The following PZP variants were observed in gnomAD, a reference collection of about 807,000 sequenced individuals.
PZP encodes the protein PZP alpha-2-macroglobulin like.
Under a neutral mutation model 179.8 loss-of-function variants are expected in PZP, and 150 were observed. The ratio of observed to expected loss-of-function variants is 0.83; its 90% CI spans 0.73 to 0.96. The LOEUF (loss-of-function observed/expected upper bound fraction) is 0.96. PZP is among the 40% of genes least tolerant of loss of function. The pLI is 0.00. For missense variants in PZP, 1,689 were observed against 1,764.0 expected (o/e 0.96, Z 0.76); for synonymous variants, 624 against 652.3 (o/e 0.96, Z 0.66).
At chr12:9,204,309 A>G (rs774307478) in intron 1 of PZP, among the ~76,000 whole-genome samples, 12 of 152,360 alleles carry the variant, frequency 7.9e-5, no homozygotes, top group African/African-American at 2.9e-4. Context: ...GTGCACGCAC[A>G]CAAACACACA....
chr12:9,179,449 A>C lies in PZP; in HGVS notation c.1839+1534T>G, dbSNP rs146572753. 2.8e-4 allele frequency among the ~76,000 whole-genome samples: 42 copies of C among 152,324 alleles called. 2 individuals carry two copies. The highest frequency in any genetic ancestry group is 8.9e-4 in the African/African-American group (37 of 41,578). On this transcript the variant is annotated intron_variant, in intron 15 of 35. Transcript: ENST00000261336. ...TCACGACATGCCAAGTGTCACCCCCATGAATTAATATAACTATAGTCAAAA... is the reference window on the plus strand; with the variant it reads ...TCACGACATGCCAAGTGTCACCCCCCTGAATTAATATAACTATAGTCAAAA...
Position 9,163,678 on chromosome 12 carries a change from A to T in PZP, c.2726T>A (p.Leu909Gln), listed in dbSNP as rs777001327. The T allele has an allele frequency of 1.9e-6, 3 of 1,613,642 alleles. No homozygotes were observed. Among genetic ancestry groups the T allele is most frequent in the Non-Finnish European group, 2.5e-6 (3 of 1,179,726 alleles). Residue 909 changes from leucine (L) to glutamine (Q), a missense_variant, in exon 21 of 36, where the codon CTG (leucine) becomes CAG (glutamine). Physicochemically the swap from Leu to Gln is moderately radical, Grantham distance 113. Transcript: ENST00000261336. ...IKRKDTVIKT[L>Q]LVEAEGIEQE... ...CCAAAAATATGTTACCTCCACCAAC[A>T]GGGTTTTGATGACTGTGTCTTTTCT...
chr12:9,186,426 G>A (rs1427408500), intron 13 of PZP, among the ~76,000 whole-genome samples: 1 of 152,112 alleles, frequency 6.6e-6, no homozygotes, highest in Non-Finnish European at 1.5e-5. Context: ...AATGTAAACA[G>A]ACTAAATGCC....
intron 13 of PZP, among the ~76,000 whole-genome samples, chr12:9,188,225 CA>C (rs2121059317): frequency 6.6e-6 from 1 of 152,264 alleles, no homozygotes; most frequent in East Asian, 1.9e-4. Flanking sequence ...TCAACATAGG[CA>C]TATCAATAAA....
chr12:9,175,535 A>G (rs1215787372), intron 15 of PZP, among the ~76,000 whole-genome samples: 8 of 152,202 alleles, frequency 5.3e-5, no homozygotes, highest in Admixed American at 5.2e-4. Context: ...AACTTTAAGA[A>G]TGGGAGAAAA....
In PZP at chr12:9,183,303, G is replaced by GT. The variant is rs1282470090; in HGVS notation, c.1547-1187dup. Among the ~76,000 whole-genome samples the GT allele has an allele frequency of 3.0e-4, 45 of 152,228 alleles. 1 individual carries two copies. The highest frequency in any genetic ancestry group is 1.0e-3 in the African/African-American group (43 of 41,534). On this transcript the variant is annotated intron_variant, in intron 13 of 35. Transcript: ENST00000261336. ...GTTCTTGCCACACATACACAAATGA[G>GT]TAAGTAGGTGAGATGATGGCCATGT...
chr12:9,198,947 C>A (rs1360563376), intron 7 of PZP, among the ~76,000 whole-genome samples: 1 of 152,142 alleles, frequency 6.6e-6, no homozygotes, highest in Admixed American at 6.5e-5. Flanking sequence ...ACCCTGCGTG[C>A]TCCCTCTGGG....
intron 10 of PZP, among the ~76,000 whole-genome samples, chr12:9,196,121 A>C (rs141846452): frequency 6.6e-6 from 1 of 152,298 alleles, no homozygotes; most frequent in East Asian, 1.9e-4. Context: ...TACATATTAA[A>C]ATATTATCTC....
chr12:9,202,402 A>C, intron 3 of PZP, 31 bp from the exon 4 acceptor site: 1 of 1,614,114 alleles, frequency 6.2e-7, no homozygotes, highest in Non-Finnish European at 8.5e-7. Flanking sequence ...TAAGATTCAG[A>C]CATGATAAAG....
At chr12:9,160,051 C>A in intron 24 of PZP, 26 bp from the exon 25 acceptor site, 1 of 1,589,128 alleles carries the variant, frequency 6.3e-7, no homozygotes, top group Non-Finnish European at 8.6e-7. Flanking sequence ...TCAGATTGTT[C>A]ATGAAGCATT....
intron 17 of PZP, 173 bp downstream of exon 17, chr12:9,168,696 G>T (rs1177045886): frequency 7.6e-6 from 4 of 523,384 alleles, no homozygotes; most frequent in Non-Finnish European, 1.3e-5. Context: ...AAAAATCTCT[G>T]ATCAGTTCTA....
At chr12:9,160,142 T>C (rs1941068133) in intron 24 of PZP, 117 bp from the exon 25 acceptor site, 2 of 1,169,658 alleles carry the variant, frequency 1.7e-6, no homozygotes, top group Non-Finnish European at 2.5e-6. Context: ...TGATCTGCCA[T>C]AGTTTTGTGA....
In PZP at chr12:9,208,264, T is replaced by C. The variant is rs746993040; in HGVS notation, c.78A>G (p.Thr26=). Residue 26 remains threonine (T), a synonymous_variant, in exon 1 of 36, where the codon ACA becomes ACG. Transcript: ENST00000261336. The part of the protein sequence containing the change: ...ILLSASDSNS[T]EPQYMVLVPS... ...GGGTCTTGAGTGAGACTTACGGTTC[T>C]GTAGAGTTTGAGTCACTGGCAGAAA... 1.2e-6 allele frequency: 2 copies of C among 1,612,482 alleles called. No individual in the cohort carries two copies. Among genetic ancestry groups the C allele is most frequent in the Non-Finnish European group, 1.7e-6 (2 of 1,178,502 alleles).
At chr12:9,175,398 G>A (rs957623534) in intron 15 of PZP, among the ~76,000 whole-genome samples, 8 of 151,996 alleles carry the variant, frequency 5.3e-5, no homozygotes, top group Admixed American at 1.3e-4. Context: ...GGAGATAGGC[G>A]CAGGCAAAGA....
At position 9,163,766 on chromosome 12, in the gene PZP, C is replaced by T; in HGVS notation, c.2638G>A (p.Ala880Thr). The T allele has an allele frequency of 6.2e-7, 1 of 1,612,990 alleles. No individual in the cohort carries two copies. Among genetic ancestry groups the T allele is most frequent in the African/African-American group, 1.3e-5 (1 of 74,998 alleles). Residue 880 changes from alanine to threonine, a missense_variant, in exon 21 of 36, where the codon GCA (alanine) becomes ACA (threonine). Coordinates refer to ENST00000261336, the MANE Select transcript of PZP (RefSeq NM_002864.3). ...TLGNVNFSVSAEAMQSLELCG... is the reference protein window; with the variant it reads ...TLGNVNFSVSTEAMQSLELCG... ...AGTTCTAAGGACTGCATTGCCTCTGCACTCACTGAGAAGTTCACATTCCCT... is the reference window on the plus strand; with the variant it reads ...AGTTCTAAGGACTGCATTGCCTCTGTACTCACTGAGAAGTTCACATTCCCT...
chr12:9,148,063 A>T (rs1026300480), downstream of PZP, among the ~76,000 whole-genome samples: 11 of 152,166 alleles, frequency 7.2e-5, no homozygotes, highest in African/African-American at 2.7e-4. Context: ...ACCATCTGCT[A>T]TACCTTTGTT....
intron 4 of PZP, 22 bp downstream of exon 4, chr12:9,202,297 A>C (rs762304084): frequency 3.1e-6 from 5 of 1,602,834 alleles, no homozygotes; most frequent in Non-Finnish European, 4.3e-6. Flanking sequence ...CACAACCCAA[A>C]CCACAGATAG....
intron 13 of PZP, among the ~76,000 whole-genome samples, chr12:9,190,777 G>A (rs551842451): frequency 7.5e-4 from 114 of 152,112 alleles, no homozygotes; most frequent in Middle Eastern, 3.4e-3. Flanking sequence ...AATTAAATAG[G>A]CAAATAATTT....
chr12:9,184,242 G>A (rs1942957702), intron 13 of PZP, among the ~76,000 whole-genome samples: 2 of 152,118 alleles, frequency 1.3e-5, no homozygotes, highest in African/African-American at 4.8e-5. Flanking sequence ...CAGGCACTAA[G>A]CTCGCCAACC....
Sources: allele counts gnomAD v4.1 joint callset (sites outside exome capture counted in the v4.1 genomes callset), GRCh38; gene constraint gnomAD v4.1.1; transcripts MANE v1.5; gene names NCBI Gene and HGNC (gene_info 2026-07-23, HGNC 2026-07-21).